DYSF: variants seen among roughly 807,000 people sequenced by gnomAD.
DYSF encodes dysferlin, also known as dystrophy-associated fer-1-like 1.
Under a neutral mutation model 274.9 loss-of-function variants are expected in DYSF, and 212 were observed. The observed-to-expected ratio is 0.77, with a 90% CI of 0.69 to 0.86. The LOEUF is 0.86. Ranked by LOEUF, DYSF falls within the 40% of genes least tolerant of loss-of-function variation. The pLI, the probability that DYSF is intolerant of heterozygous loss-of-function variation, is 0.00. For synonymous variants in DYSF, 1,091 were observed against 1,078.7 expected, an observed-to-expected ratio of 1.01 and a Z score of -0.22; for missense variants, 2,666 against 2,783.2, an observed-to-expected ratio of 0.96 and a Z score of 0.95.
At chr2:71,545,547 T>C (rs1311512710) in intron 17 of DYSF, among the ~76,000 whole-genome samples, 1 of 152,118 alleles carries the variant, frequency 6.6e-6, no homozygotes, top group Non-Finnish European at 1.5e-5. Flanking sequence ...GTAGAGAGAT[T>C]TGGGGGTGGT....
At chr2:71,643,579 C>T (rs750958094) in intron 41 of DYSF, among the ~76,000 whole-genome samples, 2 of 152,144 alleles carry the variant, frequency 1.3e-5, no homozygotes, top group Non-Finnish European at 2.9e-5. Context: ...TGACATTTTC[C>T]CCTAAGAGCT....
chr2:71,526,081 G>A lies in DYSF; in HGVS notation c.1150-139G>A, dbSNP rs115491804. On this transcript the variant is annotated intron_variant, in intron 12 of 55. Transcript: ENST00000410020. Reference sequence around the variant, plus strand: ...GGTGAAGGACCTTGCCCGAGACCACGCGGTAGTAAGTGTCGGAGCGCAGTC... The same window carrying A: ...GGTGAAGGACCTTGCCCGAGACCACACGGTAGTAAGTGTCGGAGCGCAGTC... 1.2e-3 allele frequency: 1,811 copies of A among 1,481,342 alleles called. 12 individuals carry two copies. The African/African-American group carries it at 0.017, about 14-fold the overall frequency. The allele number at this position is 1,481,342 out of a possible 1,614,324, so 91.8% of individuals were successfully genotyped here. A position where few individuals can be genotyped will look rare whatever the true frequency, so the allele number is the denominator to read the frequency against.
At chr2:71,627,463 C>T (rs1196770684) in intron 41 of DYSF, among the ~76,000 whole-genome samples, 1 of 151,946 alleles carries the variant, frequency 6.6e-6, no homozygotes, top group Non-Finnish European at 1.5e-5. Flanking sequence ...CTGTGTGTAA[C>T]GATATAATAC....
chr2:71,685,342 T>A (rs945857342), intron 55 of DYSF, among the ~76,000 whole-genome samples: 1 of 152,232 alleles, frequency 6.6e-6, no homozygotes, highest in Non-Finnish European at 1.5e-5. Context: ...GGATGTCAGA[T>A]CCTAGGTAAG....
intron 1 of DYSF, 150 bp from the exon 2 acceptor site, chr2:71,480,733 C>A: frequency 1.4e-6 from 1 of 731,616 alleles, no homozygotes; most frequent in South Asian, 1.5e-5. Flanking sequence ...GGATTCATTG[C>A]AGACTGGCGG....
intron 45 of DYSF, among the ~76,000 whole-genome samples, chr2:71,662,549 G>GTA (rs1159766895): frequency 2.0e-5 from 3 of 151,750 alleles, no homozygotes; most frequent in African/African-American, 7.3e-5. Flanking sequence ...TGTGGTGTGT[G>GTA]TATATATGTG....
At chr2:71,568,472 T>C in intron 26 of DYSF, 134 bp downstream of exon 26, 1 of 1,219,644 alleles carries the variant, frequency 8.2e-7, no homozygotes, top group Non-Finnish European at 1.2e-6. Context: ...GAACTTCCGC[T>C]GAACTCTCCC....
chr2:71,592,304 A>G (rs2093290001), intron 32 of DYSF, among the ~76,000 whole-genome samples: 1 of 152,110 alleles, frequency 6.6e-6, no homozygotes, highest in Non-Finnish European at 1.5e-5. Context: ...GTCTGCGGAG[A>G]CGTCACACTT....
intron 17 of DYSF, among the ~76,000 whole-genome samples, chr2:71,542,901 G>C (rs1363381425): frequency 6.6e-6 from 1 of 152,234 alleles, no homozygotes. Context: ...CCTCGCAGAT[G>C]GGGTGGCGGC....
intron 36 of DYSF, among the ~76,000 whole-genome samples, chr2:71,610,370 C>A (rs2093728939): frequency 6.6e-6 from 1 of 152,198 alleles, no homozygotes; most frequent in Non-Finnish European, 1.5e-5. Flanking sequence ...TGAAAACATT[C>A]AGCTATAGGA....
At chr2:71,481,800 G>C (rs1377461384) in intron 2 of DYSF, 79 bp from the exon 3 acceptor site, 3 of 1,165,784 alleles carry the variant, frequency 2.6e-6, no homozygotes, top group Admixed American at 3.8e-5. Context: ...CAGTGCCCTG[G>C]TGGCACGAAG....
intron 1 of DYSF, among the ~76,000 whole-genome samples, chr2:71,472,592 G>A (rs1261824318): frequency 2.0e-5 from 3 of 152,084 alleles, no homozygotes; most frequent in Non-Finnish European, 2.9e-5. Context: ...ATTTTTAGTA[G>A]AGACGGGGTT....
intron 42 of DYSF, among the ~76,000 whole-genome samples, chr2:71,645,686 C>T (rs370160944): frequency 1.8e-4 from 28 of 152,022 alleles, no homozygotes; most frequent in African/African-American, 4.8e-4. Context: ...CCAGGGACAC[C>T]GTCCTCCTCT....
At chr2:71,588,926 T>G (rs2093161918) in intron 30 of DYSF, among the ~76,000 whole-genome samples, 1 of 152,100 alleles carries the variant, frequency 6.6e-6, no homozygotes, top group South Asian at 2.1e-4. Context: ...GGTCCAGTCT[T>G]GGTGCTCCCC....
chr2:71,615,892 A>G lies in DYSF; in HGVS notation c.4464+2482A>G, dbSNP rs2093871169. 6.6e-6 allele frequency among the ~76,000 whole-genome samples: 1 copy of G among 152,114 alleles called. No homozygotes were observed. On this transcript the variant is annotated intron_variant, in intron 40 of 55. Transcript: ENST00000410020. The surrounding 1 kb of genome is among the most constrained non-coding windows in gnomAD (Gnocchi z 4.9). ...GCAGCCTGTTCCATCCTCACAGTTG[A>G]TGCAGCCCTGGCTGGTGCTGGATGT...
intron 43 of DYSF, 146 bp from the exon 44 acceptor site, chr2:71,658,732 A>T: frequency 1.1e-6 from 1 of 900,982 alleles, no homozygotes; most frequent in South Asian, 1.6e-5. Flanking sequence ...ACTGGCCCCC[A>T]TGATTCAATT....
At chr2:71,526,425 C>CGTGGGGGGGG in intron 13 of DYSF, 79 bp downstream of exon 13, 4 of 360,048 alleles carry the variant, frequency 1.1e-5, no homozygotes, top group Non-Finnish European at 2.1e-5. Flanking sequence ...CGATGGCGGG[C>CGTGGGGGGGG]GGGGTCAGCT....
In DYSF at chr2:71,665,189, G is replaced by C. The variant is rs749455148; in HGVS notation, c.5202G>C (p.Gln1734His). The change falls in exon 47 of 56, where the codon CAG (glutamine) becomes CAC (histidine). Residue 1734 changes from glutamine to histidine, a missense_variant. Gln to His is a conservative substitution (Grantham distance 24). Coordinates refer to ENST00000410020, the MANE Select transcript of DYSF (RefSeq NM_001130987.2). The part of the protein sequence containing the change: ...CVSGPNQWRD[Q>H]LRPSQLLHLF... ...CTGGACCGAACCAGTGGCGGGACCA[G>C]CTCCGCCCCTCCCAGCTCCTCCACC... The C allele has an allele frequency of 6.2e-7, 1 of 1,613,580 alleles. No homozygotes were observed. The highest frequency in any genetic ancestry group is 8.5e-7 in the Non-Finnish European group (1 of 1,180,014).
At chr2:71,627,586 A>G (rs2152904359) in intron 41 of DYSF, among the ~76,000 whole-genome samples, 1 of 152,276 alleles carries the variant, frequency 6.6e-6, no homozygotes, top group South Asian at 2.1e-4. Flanking sequence ...ATGTGCATTT[A>G]GAACAGGCTT....
Sources: gnomAD v4.1 joint callset for allele counts (sites outside exome capture counted in the v4.1 genomes callset) on GRCh38, gnomAD v4.1.1 for gene constraint, Gnocchi (gnomAD v3.1) non-coding constraint, MANE v1.5 for transcripts, NCBI Gene and HGNC (gene_info 2026-07-23, HGNC 2026-07-21) for gene names.